Variants in PLA2G4C observed in about 807,000 individuals in gnomAD.
PLA2G4C encodes cytosolic phospholipase A2 gamma.
A neutral mutation model predicts 73.8 loss-of-function variants in PLA2G4C; 64 were observed. That is an observed-to-expected ratio of 0.87 (90% CI 0.71 to 1.07). The LOEUF (loss-of-function observed/expected upper bound fraction) is 1.07, where lower values mean the gene tolerates loss of function less well. PLA2G4C is among the 50% of genes least tolerant of loss of function. The probability of loss-of-function intolerance (pLI) is 0.00; values close to 1 mark genes in which losing one functional copy is unlikely to be tolerated. For missense variants in PLA2G4C, 622 were observed against 665.4 expected (o/e 0.93, Z 0.72); for synonymous variants, 254 against 252.1 (o/e 1.01, Z -0.07).
intron 9 of PLA2G4C, among the ~76,000 whole-genome samples, chr19:48,088,038 C>T (rs1382652328): frequency 6.6e-6 from 1 of 152,104 alleles, no homozygotes; most frequent in Admixed American, 6.6e-5. Context: ...TGCATTTACT[C>T]ACATGTTTTG....
At chr19:48,093,447 C>A (rs1489762654) in intron 7 of PLA2G4C, among the ~76,000 whole-genome samples, 1 of 152,154 alleles carries the variant, frequency 6.6e-6, no homozygotes, top group Admixed American at 6.5e-5. Flanking sequence ...TACACACCCA[C>A]CCCTAATCCA....
chr19:48,097,541 T>C lies in PLA2G4C; in HGVS notation c.568+598A>G, dbSNP rs574062435. On this transcript the variant is annotated intron_variant, in intron 6 of 16. Coordinates refer to ENST00000599921, the MANE Select transcript of PLA2G4C (RefSeq NM_003706.3). ...TCCTGGGATTACAGGCGTGAGCCAC[T>C]GCGCCCGGCCCCTTTTTGTCTTTTG... is the stretch of plus-strand genomic sequence containing the variant. Among the ~76,000 whole-genome samples the C allele has an allele frequency of 1.7e-3, 264 of 151,406 alleles. 3 individuals are homozygous for C. Among genetic ancestry groups the C allele is most frequent in the East Asian group, 8.0e-4 (4 of 4,988 alleles).
intron 5 of PLA2G4C, among the ~76,000 whole-genome samples, chr19:48,099,365 T>C (rs1267972919): frequency 6.6e-6 from 1 of 152,230 alleles, no homozygotes; most frequent in Non-Finnish European, 1.5e-5. Context: ...ACACTTTCCC[T>C]ATTTCTGCCT....
chr19:48,062,338 C>G (rs778898958), intron 13 of PLA2G4C, 186 bp from the exon 14 acceptor site: 1 of 498,896 alleles, frequency 2.0e-6, no homozygotes, highest in Non-Finnish European at 3.5e-6. Flanking sequence ...TGGCTGGGTG[C>G]GGTGCCTCAC....
chr19:48,067,980 TG>T, intron 12 of PLA2G4C, 94 bp from the exon 13 acceptor site: 1 of 882,502 alleles, frequency 1.1e-6, no homozygotes, highest in Non-Finnish European at 1.9e-6. Flanking sequence ...TCATCCCCCA[TG>T]GGGTTGTATC....
chr19:48,059,760 C>T (rs1008540184), intron 14 of PLA2G4C, among the ~76,000 whole-genome samples: 1 of 150,168 alleles, frequency 6.7e-6, no homozygotes, highest in Non-Finnish European at 1.5e-5. Flanking sequence ...TGTGGGCTTC[C>T]CTACTTTTTT....
At chr19:48,102,133 T>G (rs909145837) in intron 4 of PLA2G4C, among the ~76,000 whole-genome samples, 2 of 152,072 alleles carry the variant, frequency 1.3e-5, no homozygotes, top group African/African-American at 4.8e-5. Flanking sequence ...GTTTTGGATA[T>G]ATTGGGTTAA....
At chr19:48,105,079 T>G (rs2032099334) in intron 3 of PLA2G4C, among the ~76,000 whole-genome samples, 1 of 68,072 alleles carries the variant, frequency 1.5e-5, no homozygotes, top group Non-Finnish European at 2.6e-5. Context: ...CGAGACGTTG[T>G]CTCAAAAAAA....
chr19:48,055,989 A>C (rs1967927206), intron 14 of PLA2G4C, among the ~76,000 whole-genome samples: 1 of 152,182 alleles, frequency 6.6e-6, no homozygotes, highest in Non-Finnish European at 1.5e-5. Flanking sequence ...AGGAGAAATT[A>C]ATTTTAAAAA....
intron 12 of PLA2G4C, among the ~76,000 whole-genome samples, chr19:48,071,777 T>C (rs1263221192): frequency 1.3e-5 from 2 of 152,050 alleles, no homozygotes; most frequent in East Asian, 3.9e-4. Context: ...ATTTATTAAT[T>C]TTGTTTAAAA....
rs567470110 is a variant in PLA2G4C, at chr19:48,068,951, C to G, written c.1007-1065G>C. Among the ~76,000 whole-genome samples, 22 of 149,868 alleles carry G rather than the reference C, an allele frequency of 1.5e-4. No homozygotes were observed. In the East Asian group the frequency reaches 3.0e-3, roughly 20 times the overall value. ...TAAGGCTGGGCACAGTGACTCACAT[C>G]TGTAATTCCAGCACTCTGGGAGGCC... On this transcript the variant is annotated intron_variant, in intron 12 of 16. Coordinates refer to ENST00000599921, the MANE Select transcript of PLA2G4C (RefSeq NM_003706.3).
intron 14 of PLA2G4C, among the ~76,000 whole-genome samples, chr19:48,059,915 C>A (rs572445408): frequency 6.6e-6 from 1 of 151,772 alleles, no homozygotes; most frequent in Non-Finnish European, 1.5e-5. Flanking sequence ...ATTACAGGCA[C>A]CTGCCACCAC....
chr19:48,061,936 A>G, intron 14 of PLA2G4C, 62 bp downstream of exon 14: 1 of 1,560,784 alleles, frequency 6.4e-7, no homozygotes, highest in Non-Finnish European at 8.8e-7. Context: ...TTCCTCCGCA[A>G]AGTCAGCTTC....
intron 1 of PLA2G4C, among the ~76,000 whole-genome samples, chr19:48,109,972 T>G (rs756791678): frequency 6.7e-4 from 101 of 150,500 alleles, no homozygotes; most frequent in Non-Finnish European, 1.4e-3. Flanking sequence ...AAGGAGAGAT[T>G]AGGGCCTCTG....
chr19:48,107,964 A>G (rs533992203), intron 1 of PLA2G4C, among the ~76,000 whole-genome samples: 3 of 152,242 alleles, frequency 2.0e-5, no homozygotes, highest in Admixed American at 6.5e-5. Flanking sequence ...GACCTTATCA[A>G]TCATTGGAGA....
At position 48,074,183 on chromosome 19, in the gene PLA2G4C, G is replaced by A. The variant is rs780230471; in HGVS notation, c.1006+584C>T. Among the ~76,000 whole-genome samples the A allele has an allele frequency of 7.3e-5, 11 of 151,218 alleles. No homozygotes were observed. In the East Asian group the frequency reaches 1.8e-3, roughly 24 times the overall value. ...CAGTGTGTGTTGTTCCCCTCCCTGC[G>A]TCCATGTGTTCTCATCATTCAGCTC... On this transcript the variant is annotated intron_variant, in intron 12 of 16. Transcript: ENST00000599921.
At position 48,062,170 on chromosome 19, in the gene PLA2G4C, A is replaced by C. The variant is rs1968209789; in HGVS notation, c.1103-18T>G. On this transcript the variant is annotated intron_variant, in intron 13 of 16. Coordinates refer to ENST00000599921, the MANE Select transcript of PLA2G4C (RefSeq NM_003706.3). ...GATGCCACCTGTGGTGCCCAGGAAG[A>C]AAGAGGATCAGCTGCTTCTGGGGAC... 6.5e-7 allele frequency: 1 copy of C among 1,534,846 alleles called. No individual in the cohort carries two copies. The highest frequency in any genetic ancestry group is 8.8e-7 in the Non-Finnish European group (1 of 1,139,758).
At chr19:48,092,063 A>G (rs1398392485) in intron 7 of PLA2G4C, among the ~76,000 whole-genome samples, 1 of 125,694 alleles carries the variant, frequency 8.0e-6, no homozygotes, top group African/African-American at 3.2e-5. Flanking sequence ...TTCCTCAAAA[A>G]AAAAATTTTT....
At chr19:48,053,230 G>C in intron 15 of PLA2G4C, 83 bp from the exon 16 acceptor site, 1 of 1,119,546 alleles carries the variant, frequency 8.9e-7, no homozygotes, top group East Asian at 2.5e-5. Flanking sequence ...TTTACATCAG[G>C]GCTTGGCAAA....
Sources: gnomAD v4.1 joint callset for allele counts (sites outside exome capture counted in the v4.1 genomes callset) on GRCh38, gnomAD v4.1.1 for gene constraint, MANE v1.5 for transcripts, NCBI Gene and HGNC (gene_info 2026-07-23, HGNC 2026-07-21) for gene names.